HDAC4: variants seen among roughly 807,000 people sequenced by gnomAD.
HDAC4 encodes the protein histone deacetylase 4.
HDAC4 carries 16 observed loss-of-function variants against 135.1 expected under a neutral mutation model. That is an observed-to-expected ratio of 0.12 (90% CI 0.08 to 0.18). The LOEUF (loss-of-function observed/expected upper bound fraction) is 0.18, where lower values mean the gene tolerates loss of function less well. HDAC4 is among the 10% of genes least tolerant of loss of function. The pLI, the probability that HDAC4 is intolerant of heterozygous loss-of-function variation, is 1.00. For missense variants in HDAC4, 1,143 were observed against 1,511.8 expected, an observed-to-expected ratio of 0.76 and a Z score of 4.05; for synonymous variants, 685 against 653.4, an observed-to-expected ratio of 1.05 and a Z score of -0.74.
chr2:239,274,726 C>T (rs918745305), intron 2 of HDAC4, among the ~76,000 whole-genome samples: 4 of 152,166 alleles, frequency 2.6e-5, no homozygotes, highest in Non-Finnish European at 4.4e-5. Context: ...GAGCTGTCAC[C>T]GTGACTCAAC....
chr2:239,201,542 C>T (rs1408490043), intron 3 of HDAC4, among the ~76,000 whole-genome samples: 3 of 152,178 alleles, frequency 2.0e-5, no homozygotes, highest in Non-Finnish European at 2.9e-5. Context: ...CACAGCTCTC[C>T]GTGAATAAAG....
At chr2:239,279,635 A>C (rs1219841767) in intron 2 of HDAC4, among the ~76,000 whole-genome samples, 2 of 152,200 alleles carry the variant, frequency 1.3e-5, no homozygotes, top group South Asian at 2.1e-4. Context: ...GCAGCAGCAG[A>C]AGCCAGAAAT....
At chr2:239,290,676 G>A (rs747354565) in intron 2 of HDAC4, among the ~76,000 whole-genome samples, 14 of 151,934 alleles carry the variant, frequency 9.2e-5, no homozygotes, top group African/African-American at 2.2e-4. Context: ...CATGCATTCA[G>A]TTCGCACGCG....
intron 7 of HDAC4, 122 bp from the exon 8 acceptor site, chr2:239,144,836 GC>G: frequency 2.1e-6 from 2 of 972,352 alleles, no homozygotes; most frequent in Non-Finnish European, 3.2e-6. Context: ...CTGCTGTGTT[GC>G]TGCAGGGGAG....
chr2:239,294,846 G>A (rs939887214), intron 2 of HDAC4, among the ~76,000 whole-genome samples: 33 of 152,156 alleles, frequency 2.2e-4, no homozygotes, highest in Admixed American at 1.4e-3. Context: ...AGGACTGTGC[G>A]CTCTCAGGAC....
chr2:239,223,312 C>T (rs1484260536), intron 3 of HDAC4, among the ~76,000 whole-genome samples: 1 of 152,178 alleles, frequency 6.6e-6, no homozygotes, highest in Non-Finnish European at 1.5e-5. Context: ...AGGAGGTAGC[C>T]CCTCTCTCTG....
chr2:239,362,036 G>T (rs762758150), intron 1 of HDAC4, among the ~76,000 whole-genome samples: 2 of 152,190 alleles, frequency 1.3e-5, no homozygotes, highest in Admixed American at 1.3e-4. Flanking sequence ...AATAATAGAC[G>T]AATGTGGACA....
In HDAC4 at chr2:239,306,839, C is replaced by G. The variant is rs2052614919; in HGVS notation, c.22+45839G>C. On this transcript the variant is annotated intron_variant, in intron 2 of 26. Transcript: ENST00000543185. This position sits in a 1 kb window ranked among gnomAD's most constrained non-coding sequence, Gnocchi z 4.5. ...TCCCACACACCCCCGAGGAGCCAGACAGGATCGAGAGAACCTTCTGGAAGG... is the reference window on the plus strand; with the variant it reads ...TCCCACACACCCCCGAGGAGCCAGAGAGGATCGAGAGAACCTTCTGGAAGG... 6.6e-6 allele frequency among the ~76,000 whole-genome samples: 1 copy of G among 152,038 alleles called. No homozygotes were observed.
chr2:239,142,619 G>A (rs1192186916), intron 8 of HDAC4, among the ~76,000 whole-genome samples: 2 of 148,522 alleles, frequency 1.3e-5, no homozygotes, highest in East Asian at 3.9e-4. Context: ...GCCCTGCCAC[G>A]CATGGCTCCT....
At chr2:239,224,922 C>T (rs1286528755) in intron 3 of HDAC4, among the ~76,000 whole-genome samples, 1 of 152,116 alleles carries the variant, frequency 6.6e-6, no homozygotes, top group African/African-American at 2.4e-5. Flanking sequence ...AATCCAGCAC[C>T]CAATTACTAG....
At position 239,095,042 on chromosome 2, in the gene HDAC4, C is replaced by T. The variant is rs201731411; in HGVS notation, c.2248G>A (p.Val750Met). The change falls in exon 17 of 27, where the codon GTG becomes ATG. Residue 750 changes from valine (V) to methionine (M), a missense_variant. Val to Met is a conservative substitution (Grantham distance 21). This residue lies in a region of HDAC4 where 49 missense variants were observed against 55.6 expected (regional missense o/e 0.88). Transcript: ENST00000543185. ...SKKLLGSLAS[V>M]FVRLPCGGVG... ...CCACCGCAAGGGAGCCGGACGAACA[C>T]GGAGGCGAGCGAGCCTGTGGGGGGG... 77 of 1,613,750 alleles carry T rather than the reference C, an allele frequency of 4.8e-5. 1 individual carries two copies. In the East Asian group the frequency reaches 1.0e-3, roughly 21 times the overall value.
Position 239,143,046 on chromosome 2 carries a change from C to T in HDAC4, c.865+1537G>A, listed in dbSNP as rs1218196741. ...GCTCAGCACTGATCACGCCCTGTCA[C>T]GCATGGCTCCTGGATGGTCTCACGT... On this transcript the variant is annotated intron_variant, in intron 8 of 26. Coordinates refer to ENST00000543185, the MANE Select transcript of HDAC4 (RefSeq NM_001378414.1). Among the ~76,000 whole-genome samples the T allele has an allele frequency of 3.3e-5, 5 of 152,266 alleles. No individual in the cohort carries two copies. The South Asian group carries it at 6.2e-4, about 19-fold the overall frequency.
rs2030722327 is a variant in HDAC4 at position 239,050,752 on chromosome 2, C to T, written c.*2345G>A. ...TGCCCCCAAGTCTGAACCCAATATA[C>T]ACTTTGGAATGAAACTGGTGGCTTC... On this transcript the variant is annotated 3_prime_UTR_variant, in exon 27 of 27. Coordinates refer to ENST00000543185, the MANE Select transcript of HDAC4 (RefSeq NM_001378414.1). The T allele has an allele frequency of 6.6e-6, 1 of 152,620 alleles. No individual in the cohort carries two copies. Among genetic ancestry groups the T allele is most frequent in the South Asian group, 2.1e-4 (1 of 4,836 alleles). 9.5% of individuals were successfully genotyped at this position (152,620 alleles called of 1,614,324 possible). A position where few individuals can be genotyped will look rare whatever the true frequency, so the allele number is the denominator to read the frequency against.
chr2:239,314,356 AG>A (rs2053028202), intron 2 of HDAC4, among the ~76,000 whole-genome samples: 1 of 152,196 alleles, frequency 6.6e-6, no homozygotes, highest in Admixed American at 6.5e-5. Context: ...GAGGTCATCC[AG>A]GGTCAGGCTG....
At chr2:239,376,728 G>A (rs1407018417) in intron 1 of HDAC4, among the ~76,000 whole-genome samples, 2 of 151,840 alleles carry the variant, frequency 1.3e-5, no homozygotes, top group African/African-American at 2.4e-5. Flanking sequence ...CTTGAGTAAC[G>A]ATTAAAAAGC....
intron 1 of HDAC4, among the ~76,000 whole-genome samples, chr2:239,387,801 A>C (rs978863515): frequency 4.1e-4 from 63 of 152,148 alleles, no homozygotes; most frequent in African/African-American, 1.3e-3. Flanking sequence ...TCTACTTTCC[A>C]ACAAGAGTGC....
intron 22 of HDAC4, among the ~76,000 whole-genome samples, chr2:239,074,289 T>C (rs2034514331): frequency 6.6e-6 from 1 of 152,280 alleles, no homozygotes; most frequent in Admixed American, 6.5e-5. Flanking sequence ...GCGTTTTGTG[T>C]GGACGCTGTG....
chr2:239,108,225 G>A (rs754885032), intron 14 of HDAC4, 42 bp from the exon 15 acceptor site: 4 of 1,568,340 alleles, frequency 2.6e-6, no homozygotes, highest in East Asian at 2.4e-5. Context: ...CACATCCAGG[G>A]GCGAGCCGAC....
At chr2:239,257,090 T>A (rs1340727453) in intron 2 of HDAC4, among the ~76,000 whole-genome samples, 1 of 152,220 alleles carries the variant, frequency 6.6e-6, no homozygotes, top group East Asian at 1.9e-4. Flanking sequence ...TATAAACCCT[T>A]TAATAATTAT....
Sources: allele counts gnomAD v4.1 joint callset (sites outside exome capture counted in the v4.1 genomes callset), GRCh38; gene constraint gnomAD v4.1.1; regional missense constraint gnomAD v4.1.1; non-coding constraint Gnocchi (gnomAD v3.1); transcripts MANE v1.5; gene names NCBI Gene and HGNC (gene_info 2026-07-23, HGNC 2026-07-21).